The following PIGU variants were observed in gnomAD, a reference collection of about 807,000 sequenced individuals.
The protein encoded by PIGU is GPI-anchor transamidase component PIGU.
PIGU carries 24 observed loss-of-function variants against 49.9 expected under a neutral mutation model. The ratio of observed to expected loss-of-function variants is 0.48; its 90% CI spans 0.35 to 0.68. The LOEUF (loss-of-function observed/expected upper bound fraction) is 0.68, where lower values mean the gene tolerates loss of function less well. PIGU is among the 30% of genes least tolerant of loss of function. The pLI, the probability that PIGU is intolerant of heterozygous loss-of-function variation, is 0.01. For missense variants in PIGU, 490 were observed against 532.6 expected (o/e 0.92, Z 0.79); for synonymous variants, 220 against 205.7 (o/e 1.07, Z -0.59).
chr20:34,641,103 C>T (rs1230290125), intron 4 of PIGU, among the ~76,000 whole-genome samples: 1 of 152,086 alleles, frequency 6.6e-6, no homozygotes, highest in Non-Finnish European at 1.5e-5. Context: ...CACGTTGAAA[C>T]TCCTGACCAG....
intron 1 of PIGU, among the ~76,000 whole-genome samples, chr20:34,667,525 T>C (rs1987141344): frequency 6.6e-6 from 1 of 150,450 alleles, no homozygotes; most frequent in Non-Finnish European, 1.5e-5. Context: ...GGGGTCAAGA[T>C]GAAAGCGGTC....
At chr20:34,659,120 T>A (rs1215581589) in intron 1 of PIGU, among the ~76,000 whole-genome samples, 1 of 91,870 alleles carries the variant, frequency 1.1e-5, no homozygotes, top group Non-Finnish European at 2.2e-5. Flanking sequence ...GTCCGGGAGG[T>A]GAGGGGCGCC....
intron 5 of PIGU, among the ~76,000 whole-genome samples, chr20:34,637,264 A>G (rs1025105534): frequency 3.3e-5 from 5 of 152,236 alleles, no homozygotes; most frequent in Non-Finnish European, 7.3e-5. Flanking sequence ...AAACTGGTAT[A>G]TTATTAATAT....
chr20:34,622,466 G>A (rs556628886), intron 6 of PIGU, among the ~76,000 whole-genome samples: 3 of 152,066 alleles, frequency 2.0e-5, no homozygotes, highest in South Asian at 2.1e-4. Flanking sequence ...GCAGTGAGCC[G>A]AGATCACGCC....
rs182897180 is a variant in PIGU, at chr20:34,585,173, C to T, written c.926+264G>A. 5.1e-3 allele frequency among the ~76,000 whole-genome samples: 778 copies of T among 152,340 alleles called. 3 individuals carry two copies. The highest frequency in any genetic ancestry group is 8.3e-3 in the Non-Finnish European group (563 of 68,034). On this transcript the variant is annotated intron_variant, in intron 9 of 11. Transcript: ENST00000217446. ...AGTCCAAAACAGTGAATGGGCTCAG[C>T]AGCAATGTGGACTTGAGCACCTCAG...
intron 11 of PIGU, chr20:34,562,575 T>C (rs1413204086): frequency 3.1e-6 from 4 of 1,288,044 alleles, no homozygotes; most frequent in African/African-American, 3.0e-5. Flanking sequence ...TCTGGAAGGT[T>C]GAACAATCCT....
At chr20:34,610,761 A>C (rs1391441542) in intron 7 of PIGU, among the ~76,000 whole-genome samples, 1 of 152,184 alleles carries the variant, frequency 6.6e-6, no homozygotes, top group African/African-American at 2.4e-5. Flanking sequence ...AATCCTAAGC[A>C]AAAAGAACAA....
chr20:34,622,176 A>G (rs1985261966), intron 6 of PIGU, among the ~76,000 whole-genome samples: 1 of 152,176 alleles, frequency 6.6e-6, no homozygotes, highest in African/African-American at 2.4e-5. Flanking sequence ...ACGTATCTGT[A>G]CACTAATGAG....
At chr20:34,606,489 T>TACCATAGTAAGACAA (rs1349857755) in intron 7 of PIGU, among the ~76,000 whole-genome samples, 2 of 152,186 alleles carry the variant, frequency 1.3e-5, no homozygotes, top group African/African-American at 2.4e-5. Flanking sequence ...TTTCTTAAAA[T>TACCATAGTAAGACAA]ACCATAGTAC....
At chr20:34,620,799 TAAAAAAAAACAAAAAAAAAACAAAA>T (rs1164312525) in intron 6 of PIGU, among the ~76,000 whole-genome samples, 2 of 55,374 alleles carry the variant, frequency 3.6e-5, no homozygotes, top group Non-Finnish European at 7.9e-5. Flanking sequence ...AGACTCCACC[TAAAAAAAAACAAAAAAAAAACAAAA>T]AAAAAAAAAC....
chr20:34,609,216 G>A (rs1397032685), intron 7 of PIGU, among the ~76,000 whole-genome samples: 1 of 152,168 alleles, frequency 6.6e-6, no homozygotes, highest in African/African-American at 2.4e-5. Context: ...GCTGAGGCAG[G>A]GGGACTGCTT....
chr20:34,602,038 T>G (rs1174742798), intron 7 of PIGU, among the ~76,000 whole-genome samples: 1 of 152,170 alleles, frequency 6.6e-6, no homozygotes, highest in Non-Finnish European at 1.5e-5. Flanking sequence ...TCCCAAAACT[T>G]TGGAAGGCCA....
chr20:34,650,700 C>CTTTTTTTTTTTTTTTTTTTTTTTTTGTTT (rs1986510764), intron 2 of PIGU, among the ~76,000 whole-genome samples: 1 of 38,778 alleles, frequency 2.6e-5, no homozygotes, highest in Non-Finnish European at 4.4e-5. Flanking sequence ...CTTTTTTTCT[C>CTTTTTTTTTTTTTTTTTTTTTTTTTGTTT]TTTTTTTTTT....
chr20:34,566,233 G>C (rs763290611), intron 11 of PIGU, among the ~76,000 whole-genome samples: 14 of 152,222 alleles, frequency 9.2e-5, no homozygotes, highest in Admixed American at 3.3e-4. Flanking sequence ...TTGTTACATG[G>C]ACCCTGAAGT....
chr20:34,644,146 C>T lies in PIGU; in HGVS notation c.318+18G>A. 6.3e-7 allele frequency: 1 copy of T among 1,591,492 alleles called. No homozygotes were observed. Among genetic ancestry groups the T allele is most frequent in the South Asian group, 1.1e-5 (1 of 90,516 alleles). ...TTACCAAATTCCACCAGCTTTGCTC[C>T]ACCCACAAACTACTTACCACAACTT... On this transcript the variant is annotated intron_variant, in intron 4 of 11. Transcript: ENST00000217446.
chr20:34,614,859 A>C (rs1359880449), intron 7 of PIGU, among the ~76,000 whole-genome samples: 3 of 152,190 alleles, frequency 2.0e-5, no homozygotes, highest in Non-Finnish European at 2.9e-5. Flanking sequence ...GTGATTAAGA[A>C]AGGCTCTGAA....
intron 1 of PIGU, among the ~76,000 whole-genome samples, chr20:34,675,257 AAAAAAAAAAAAAGAG>A (rs945510425): frequency 7.4e-6 from 1 of 135,358 alleles, no homozygotes; most frequent in Admixed American, 8.5e-5. Flanking sequence ...TCAAAAAAAA[AAAAAAAAAAAAAGAG>A]AGAGAGAGAA....
In PIGU at chr20:34,560,720, T is replaced by C. The variant is rs935473235; in HGVS notation, c.*146A>G. On this transcript the variant is annotated 3_prime_UTR_variant, in exon 12 of 12. Coordinates refer to ENST00000217446, the MANE Select transcript of PIGU (RefSeq NM_080476.5). ...GGCCTTGCTGTCAGTCAGCCATGGG[T>C]CCCTTTTGGTACCAGAGACTTGTGA... 6 of 551,980 alleles carry C rather than the reference T, an allele frequency of 1.1e-5. No homozygotes were observed. Among genetic ancestry groups the C allele is most frequent in the Non-Finnish European group, 1.8e-5 (6 of 325,284 alleles). 34.2% of individuals were successfully genotyped at this position (551,980 alleles called of 1,614,324 possible). A position where few individuals can be genotyped will look rare whatever the true frequency, so the allele number is the denominator to read the frequency against.
At chr20:34,643,436 G>A (rs1986231167) in intron 4 of PIGU, 1 of 152,248 alleles carries the variant, frequency 6.6e-6, no homozygotes, top group Admixed American at 6.5e-5. Flanking sequence ...AGTAACAAAA[G>A]CTAAAATGAA....
Sources: gnomAD v4.1 joint callset for allele counts (sites outside exome capture counted in the v4.1 genomes callset) on GRCh38, gnomAD v4.1.1 for gene constraint, MANE v1.5 for transcripts, NCBI Gene and HGNC (gene_info 2026-07-23, HGNC 2026-07-21) for gene names.